The following GPATCH2 variants were observed in gnomAD, a reference collection of about 807,000 sequenced individuals.
GPATCH2 encodes G-patch domain containing 2.
Under a neutral mutation model 58.0 loss-of-function variants are expected in GPATCH2, and 51 were observed. The ratio of observed to expected loss-of-function variants is 0.88; its 90% CI spans 0.70 to 1.11. GPATCH2 has a LOEUF of 1.11. Among genes scored for constraint, GPATCH2 ranks in the 50% most tolerant of loss-of-function variants. The pLI is 0.00. For synonymous variants in GPATCH2, 222 were observed against 218.5 expected (o/e 1.02, Z -0.14); for missense variants, 625 against 652.2 (o/e 0.96, Z 0.45).
intron 9 of GPATCH2, among the ~76,000 whole-genome samples, chr1:217,449,004 T>C (rs1370394031): frequency 6.6e-6 from 1 of 152,232 alleles, no homozygotes; most frequent in Non-Finnish European, 1.5e-5. Flanking sequence ...GAAGTTTTTG[T>C]ATCCTTTTAA....
At chr1:217,548,454 C>T (rs1158900045) in intron 5 of GPATCH2, among the ~76,000 whole-genome samples, 1 of 152,162 alleles carries the variant, frequency 6.6e-6, no homozygotes, top group Non-Finnish European at 1.5e-5. Flanking sequence ...AATACTAAGA[C>T]ACCTGCTTCT....
intron 5 of GPATCH2, among the ~76,000 whole-genome samples, chr1:217,530,167 C>T (rs1348884589): frequency 1.3e-5 from 2 of 152,112 alleles, no homozygotes; most frequent in Non-Finnish European, 2.9e-5. Context: ...ACAAAATAAA[C>T]TGAAATTTGT....
At chr1:217,568,749 T>C (rs1005084644) in intron 5 of GPATCH2, among the ~76,000 whole-genome samples, 4 of 152,132 alleles carry the variant, frequency 2.6e-5, no homozygotes, top group African/African-American at 7.2e-5. Context: ...TGTAAGCTAG[T>C]ACAGGATTTT....
At chr1:217,622,820 G>A (rs1371912581) in intron 1 of GPATCH2, among the ~76,000 whole-genome samples, 1 of 152,220 alleles carries the variant, frequency 6.6e-6, no homozygotes, top group Non-Finnish European at 1.5e-5. Flanking sequence ...GGAATTATAG[G>A]CGTGAGCCAC....
At chr1:217,617,861 T>G (rs1668969661) in intron 2 of GPATCH2, among the ~76,000 whole-genome samples, 2 of 152,066 alleles carry the variant, frequency 1.3e-5, no homozygotes, top group East Asian at 3.9e-4. Flanking sequence ...TAGTAGATAC[T>G]CAAATACTTT....
Position 217,550,994 on chromosome 1 carries a change from T to A in GPATCH2, c.1099-36105A>T, listed in dbSNP as rs1345370049. On this transcript the variant is annotated intron_variant, in intron 5 of 9. Coordinates refer to ENST00000366935, the MANE Select transcript of GPATCH2 (RefSeq NM_018040.5). ...AAGAATTTTTGCTTACATGGACAGA[T>A]GATTTTTCATATGCTTATGCACTAT... Among the ~76,000 whole-genome samples the A allele has an allele frequency of 2.6e-5, 4 of 151,964 alleles. No individual in the cohort carries two copies. In the East Asian group the frequency reaches 7.7e-4, roughly 29 times the overall value.
rs1368192587 is a variant in GPATCH2 at position 217,610,902 on chromosome 1, G to T, written c.1005C>A (p.His335Gln). ...AGTGCTACTGACCTCTTCTGCTTGG[G>T]TGTGACATAAGGGGAAAAGAACCAG... is the stretch of plus-strand genomic sequence containing the variant. ...ILTGSFPLMS[H>Q]PSRRGFQARL... The change falls in exon 4 of 10, where the codon CAC becomes CAA. Residue 335 changes from histidine to glutamine, a missense_variant. Coordinates refer to ENST00000366935, the MANE Select transcript of GPATCH2 (RefSeq NM_018040.5). The T allele has an allele frequency of 5.0e-6, 8 of 1,611,284 alleles. No homozygotes were observed. Among genetic ancestry groups the T allele is most frequent in the Non-Finnish European group, 6.8e-6 (8 of 1,178,372 alleles).
At chr1:217,536,068 A>G (rs890180257) in intron 5 of GPATCH2, among the ~76,000 whole-genome samples, 1 of 151,988 alleles carries the variant, frequency 6.6e-6, no homozygotes, top group Non-Finnish European at 1.5e-5. Flanking sequence ...TTTTATTAGT[A>G]TTTATTTACT....
chr1:217,574,517 T>C (rs961008594), intron 5 of GPATCH2, among the ~76,000 whole-genome samples: 16 of 152,108 alleles, frequency 1.1e-4, no homozygotes, highest in Non-Finnish European at 1.6e-4. Context: ...TGCCTGTGGA[T>C]AGCTGGCATG....
chr1:217,570,350 T>C (rs1037689413), intron 5 of GPATCH2, among the ~76,000 whole-genome samples: 2 of 152,086 alleles, frequency 1.3e-5, no homozygotes, highest in Admixed American at 1.3e-4. Context: ...TGACCGCAAG[T>C]GATCCGCCCG....
chr1:217,470,088 C>T (rs1355521028), intron 8 of GPATCH2, among the ~76,000 whole-genome samples: 5 of 152,090 alleles, frequency 3.3e-5, no homozygotes, highest in Non-Finnish European at 5.9e-5. Context: ...TAATCATTTC[C>T]TAGGAGAATC....
intron 5 of GPATCH2, among the ~76,000 whole-genome samples, chr1:217,579,174 T>C (rs1666943893): frequency 6.6e-6 from 1 of 152,132 alleles, no homozygotes; most frequent in Non-Finnish European, 1.5e-5. Flanking sequence ...TACAGCTTAG[T>C]TTTTTAACAC....
At chr1:217,609,207 T>A (rs1317252915) in intron 5 of GPATCH2, 2 of 983,708 alleles carry the variant, frequency 2.0e-6, no homozygotes, top group African/African-American at 3.5e-5. Flanking sequence ...CATTACATTT[T>A]CCCCCCAGTT....
chr1:217,464,868 G>A (rs371803904), intron 8 of GPATCH2, among the ~76,000 whole-genome samples: 5 of 152,002 alleles, frequency 3.3e-5, no homozygotes, highest in African/African-American at 2.4e-5. Context: ...AAATAAGAAC[G>A]ATTATTAAAA....
At chr1:217,501,412 T>C (rs1662297102) in intron 6 of GPATCH2, among the ~76,000 whole-genome samples, 1 of 152,142 alleles carries the variant, frequency 6.6e-6, no homozygotes, top group East Asian at 1.9e-4. Flanking sequence ...AACCTTAGTG[T>C]AGAGGTTTTT....
At chr1:217,511,228 C>T (rs1216353338) in intron 6 of GPATCH2, among the ~76,000 whole-genome samples, 1 of 152,102 alleles carries the variant, frequency 6.6e-6, no homozygotes, top group Non-Finnish European at 1.5e-5. Context: ...AGCACAATAT[C>T]TGAAATATCT....
Position 217,620,293 on chromosome 1 carries a change from A to T in GPATCH2, c.263T>A (p.Leu88Ter). The part of the protein sequence containing the change: ...VHHPWETGHC[L>*]SEGSDSSLEE... ...TAAACTAGAATCAGAGCCTTCACTT[A>T]AGCAGTGACCAGTCTCCCACGGGTG... is the stretch of plus-strand genomic sequence containing the variant. The change falls in exon 2 of 10, where the codon TTA becomes TAA. Residue 88 changes from leucine to a stop codon, truncating the protein, a stop_gained. Coordinates refer to ENST00000366935, the MANE Select transcript of GPATCH2 (RefSeq NM_018040.5). LOFTEE classifies it high-confidence loss of function. 2 of 1,613,868 alleles carry T rather than the reference A, an allele frequency of 1.2e-6. No homozygotes were observed. The highest frequency in any genetic ancestry group is 1.7e-6 in the Non-Finnish European group (2 of 1,179,794).
rs201006007 is a variant in GPATCH2 at position 217,610,976 on chromosome 1, T to A, written c.931A>T (p.Thr311Ser). ...TCTGGTACATTTTTGTCTAGCTCAG[T>A]AGGATCTTCCTTTTCCCACCAGGGC... Reference protein sequence around the residue: ...VVPWWEKEDPTELDKNVPDPV... With the variant: ...VVPWWEKEDPSELDKNVPDPV... Residue 311 changes from threonine (T) to serine (S), a missense_variant, in exon 4 of 10, where the codon ACT (threonine) becomes TCT (serine). Transcript: ENST00000366935. The A allele has an allele frequency of 6.2e-7, 1 of 1,613,228 alleles. No homozygotes were observed. The highest frequency in any genetic ancestry group is 1.3e-5 in the African/African-American group (1 of 74,828).
intron 1 of GPATCH2, among the ~76,000 whole-genome samples, chr1:217,630,335 G>A (rs2102866010): frequency 6.6e-6 from 1 of 152,232 alleles, no homozygotes; most frequent in Middle Eastern, 3.4e-3. Flanking sequence ...TGATACCATA[G>A]ACATAGTCAA....
Sources: allele counts gnomAD v4.1 joint callset (sites outside exome capture counted in the v4.1 genomes callset), GRCh38; gene constraint gnomAD v4.1.1; transcripts MANE v1.5; gene names NCBI Gene and HGNC (gene_info 2026-07-23, HGNC 2026-07-21).